PPM1B: variants seen among roughly 807,000 people sequenced by gnomAD.
The protein encoded by PPM1B is protein phosphatase 1B.
PPM1B carries 22 observed loss-of-function variants against 43.0 expected under a neutral mutation model. The ratio of observed to expected loss-of-function variants is 0.51; its 90% confidence interval spans 0.37 to 0.73. The LOEUF (loss-of-function observed/expected upper bound fraction) is 0.73. PPM1B is among the 30% of genes least tolerant of loss of function. PPM1B has a pLI of 0.00. For missense variants in PPM1B, 632 were observed against 584.2 expected (o/e 1.08, Z -0.84); for synonymous variants, 217 against 197.9 (o/e 1.10, Z -0.81).
chr2:44,211,627 C>G (rs1669470722), intron 3 of PPM1B, among the ~76,000 whole-genome samples: 1 of 151,772 alleles, frequency 6.6e-6, no homozygotes, highest in African/African-American at 2.4e-5. Context: ...TATGGGGAGG[C>G]ACTTTGAGAT....
chr2:44,233,579 T>G, downstream of PPM1B: 4 of 985,844 alleles, frequency 4.1e-6, no homozygotes, highest in Non-Finnish European at 4.8e-6. Context: ...GTAAACATTT[T>G]CCTGTATGTT....
At chr2:44,229,446 C>G (rs923382597) in intron 5 of PPM1B, among the ~76,000 whole-genome samples, 44 of 152,240 alleles carry the variant, frequency 2.9e-4, no homozygotes, top group African/African-American at 1.1e-3. Flanking sequence ...AGTCAAGCCC[C>G]TCACCTGTTT....
intron 1 of PPM1B, among the ~76,000 whole-genome samples, chr2:44,187,798 G>A (rs1668195735): frequency 6.6e-6 from 1 of 152,034 alleles, no homozygotes; most frequent in Non-Finnish European, 1.5e-5. Context: ...CGCCCAGGCT[G>A]GAGTGCAGTG....
chr2:44,209,584 C>T (rs1669359580), intron 3 of PPM1B, among the ~76,000 whole-genome samples: 1 of 152,114 alleles, frequency 6.6e-6, no homozygotes. Context: ...CGACACCATC[C>T]TGGCTACACG....
chr2:44,222,055 C>A (rs1031181719), intron 5 of PPM1B, among the ~76,000 whole-genome samples: 3 of 152,046 alleles, frequency 2.0e-5, no homozygotes, highest in Non-Finnish European at 4.4e-5. Context: ...CCCCAGAAAT[C>A]TTTTGGAAAA....
At chr2:44,210,675 C>CTCCT (rs976866810) in intron 3 of PPM1B, among the ~76,000 whole-genome samples, 2 of 152,032 alleles carry the variant, frequency 1.3e-5, no homozygotes, top group Non-Finnish European at 2.9e-5. Flanking sequence ...TTCTGTCTCC[C>CTCCT]TCCTTCCTTC....
intron 2 of PPM1B, 145 bp downstream of exon 2, chr2:44,202,190 T>C (rs1419656796): frequency 1.5e-5 from 12 of 822,716 alleles, no homozygotes; most frequent in Admixed American, 3.6e-5. Flanking sequence ...AATGAAACCA[T>C]TGTTTTCTTT....
downstream of PPM1B, chr2:44,233,218 C>T (rs1670518600): frequency 1.1e-6 from 1 of 911,402 alleles, no homozygotes; most frequent in Admixed American, 6.2e-5. Flanking sequence ...TATTTTTAAT[C>T]ATTTATGTTA....
At chr2:44,186,986 C>T (rs1304057127) in intron 1 of PPM1B, among the ~76,000 whole-genome samples, 1 of 152,236 alleles carries the variant, frequency 6.6e-6, no homozygotes, top group Non-Finnish European at 1.5e-5. Context: ...GCATACACTG[C>T]AGTAGTGTTA....
At chr2:44,193,066 G>C (rs1231107904) in intron 1 of PPM1B, among the ~76,000 whole-genome samples, 2 of 152,166 alleles carry the variant, frequency 1.3e-5, no homozygotes, top group African/African-American at 2.4e-5. Context: ...ACTGAATTCA[G>C]TTCCTTAGGG....
chr2:44,208,394 G>C (rs1328962092), intron 2 of PPM1B, among the ~76,000 whole-genome samples: 1 of 152,076 alleles, frequency 6.6e-6, no homozygotes, highest in African/African-American at 2.4e-5. Flanking sequence ...CCCTGTTACT[G>C]TGCCCTCTGA....
chr2:44,220,734 G>C (rs1316315332), intron 5 of PPM1B, among the ~76,000 whole-genome samples: 1 of 152,212 alleles, frequency 6.6e-6, no homozygotes, highest in Non-Finnish European at 1.5e-5. Flanking sequence ...AATCCAGAAT[G>C]TGACCATTGC....
chr2:44,201,199 C>A lies in PPM1B; in HGVS notation c.-1C>A. 1.9e-6 allele frequency: 3 copies of A among 1,580,458 alleles called. No homozygotes were observed. Among genetic ancestry groups the A allele is most frequent in the Non-Finnish European group, 2.6e-6 (3 of 1,161,898 alleles). On this transcript the variant is annotated 5_prime_UTR_variant, in exon 2 of 6. Transcript: ENST00000282412. The surrounding 1 kb of genome is among the most constrained non-coding windows in gnomAD (Gnocchi z 5.4). ...TTTTTATTTCAGATTTATTGCTAAACATGGGTGCATTTTTGGATAAACCCA... is the reference window on the plus strand; with the variant it reads ...TTTTTATTTCAGATTTATTGCTAAAAATGGGTGCATTTTTGGATAAACCCA...
Position 44,226,267 on chromosome 2 carries a change from G to A in PPM1B, c.1135-4146G>A, listed in dbSNP as rs555281929. Among the ~76,000 whole-genome samples, 16 of 152,092 alleles carry A rather than the reference G, an allele frequency of 1.1e-4. No homozygotes were observed. In the East Asian group the frequency reaches 1.5e-3, roughly 15 times the overall value. Reference sequence around the variant, plus strand: ...TGGGATTACAGACCTGAGCCACTGCGCCCGACCTAGTATATCTTTTAAAAA... The same window carrying A: ...TGGGATTACAGACCTGAGCCACTGCACCCGACCTAGTATATCTTTTAAAAA... On this transcript the variant is annotated intron_variant, in intron 5 of 5. Coordinates refer to ENST00000282412, the MANE Select transcript of PPM1B (RefSeq NM_002706.6).
At chr2:44,236,843 T>C (rs920551311), downstream of PPM1B, among the ~76,000 whole-genome samples, 1 of 152,228 alleles carries the variant, frequency 6.6e-6, no homozygotes, top group Non-Finnish European at 1.5e-5. Flanking sequence ...TTCATTTGTG[T>C]TTTGAAGTTC....
intron 5 of PPM1B, among the ~76,000 whole-genome samples, chr2:44,223,661 A>C (rs1250248927): frequency 2.2e-4 from 34 of 151,180 alleles, no homozygotes; most frequent in South Asian, 2.1e-4. Flanking sequence ...TACAAAAAAA[A>C]CAAAATTAGC....
intron 1 of PPM1B, among the ~76,000 whole-genome samples, chr2:44,187,066 C>G (rs1314342915): frequency 6.6e-6 from 1 of 152,212 alleles, no homozygotes; most frequent in Non-Finnish European, 1.5e-5. Context: ...ACTCTATGCC[C>G]ATTAAACAAC....
chr2:44,178,156 G>C (rs1010709256), intron 1 of PPM1B, among the ~76,000 whole-genome samples: 1 of 151,890 alleles, frequency 6.6e-6, no homozygotes, highest in Non-Finnish European at 1.5e-5. Context: ...CTGAGCTCAA[G>C]TGATCCACCT....
At chr2:44,226,263 C>T (rs538513380) in intron 5 of PPM1B, among the ~76,000 whole-genome samples, 1 of 152,290 alleles carries the variant, frequency 6.6e-6, no homozygotes, top group East Asian at 1.9e-4. Flanking sequence ...ACCTGAGCCA[C>T]TGCGCCCGAC....
Sources: allele counts gnomAD v4.1 joint callset (sites outside exome capture counted in the v4.1 genomes callset), GRCh38; gene constraint gnomAD v4.1.1; non-coding constraint Gnocchi (gnomAD v3.1); transcripts MANE v1.5; gene names NCBI Gene and HGNC (gene_info 2026-07-23, HGNC 2026-07-21).